PAX7: variants seen among roughly 807,000 people sequenced by gnomAD.
PAX7 encodes the protein paired box protein Pax-7.
In PAX7, 18 loss-of-function variants were observed where a neutral mutation model predicts 50.7. The ratio of observed to expected loss-of-function variants is 0.36; its 90% CI spans 0.25 to 0.53. The LOEUF is 0.53. PAX7 is among the 20% of genes least tolerant of loss of function. The pLI, the probability that PAX7 is intolerant of heterozygous loss-of-function variation, is 0.93. For synonymous variants in PAX7, 310 were observed against 290.4 expected, an observed-to-expected ratio of 1.07 and a Z score of -0.69; for missense variants, 644 against 702.9, an observed-to-expected ratio of 0.92 and a Z score of 0.95.
intron 4 of PAX7, among the ~76,000 whole-genome samples, chr1:18,641,070 C>G (rs926389123): frequency 2.6e-5 from 4 of 152,256 alleles, no homozygotes; most frequent in African/African-American, 9.6e-5. Context: ...CAAAGGCAAA[C>G]ACTGGCGCTC....
Position 18,634,329 on chromosome 1 carries a change from G to C in PAX7, c.112G>C (p.Val38Leu). The change falls in exon 2 of 9, where the codon GTC becomes CTC. Residue 38 changes from valine (V) to leucine (L), a missense_variant. Physicochemically the swap from Val to Leu is conservative, Grantham distance 32. Coordinates refer to ENST00000420770, the MANE Select transcript of PAX7 (RefSeq NM_001135254.2). The surrounding 1 kb of genome is among the most constrained non-coding windows in gnomAD (Gnocchi z 4.0). ...GTCCACCCCGCTTGGCCAAGGCCGG[G>C]TCAATCAGCTGGGAGGGGTCTTCAT... is the stretch of plus-strand genomic sequence containing the variant. ...EVSTPLGQGR[V>L]NQLGGVFING... The C allele has an allele frequency of 6.2e-7, 1 of 1,613,948 alleles. No homozygotes were observed. Among genetic ancestry groups the C allele is most frequent in the South Asian group, 1.1e-5 (1 of 91,036 alleles).
rs955499244 is a variant in PAX7, at chr1:18,748,735, C to A, written c.*3806C>A. 11 of 229,408 alleles carry A rather than the reference C, an allele frequency of 4.8e-5. No individual in the cohort carries two copies. The highest frequency in any genetic ancestry group is 4.0e-4 in the Admixed American group (7 of 17,590). 14.2% of individuals were successfully genotyped at this position (229,408 alleles called of 1,614,324 possible). On this transcript the variant is annotated 3_prime_UTR_variant, in exon 9 of 9. Coordinates refer to ENST00000420770, the MANE Select transcript of PAX7 (RefSeq NM_001135254.2). ...GGTGTGTGTTTAAATATAATCACAC[C>A]ATAATTTATTCAGCTATATGGAGTA...
At position 18,658,576 on chromosome 1, in the gene PAX7, C is replaced by G. The variant is rs536246290; in HGVS notation, c.586+22205C>G. ...GAATCATCTGGGATGCAACTCTAGG[C>G]CTGGCCCACTCTTGGGGGCTCACCC... On this transcript the variant is annotated intron_variant, in intron 4 of 8. Coordinates refer to ENST00000420770, the MANE Select transcript of PAX7 (RefSeq NM_001135254.2). 1.1e-3 allele frequency among the ~76,000 whole-genome samples: 172 copies of G among 152,334 alleles called. 1 individual carries two copies. Among genetic ancestry groups the G allele is most frequent in the Non-Finnish European group, 5.9e-5 (4 of 68,028 alleles).
At chr1:18,666,992 AG>A (rs1384360556) in intron 4 of PAX7, among the ~76,000 whole-genome samples, 2 of 152,138 alleles carry the variant, frequency 1.3e-5, no homozygotes, top group Admixed American at 6.5e-5. Context: ...GTCATTGAGA[AG>A]GGTCCCTGAG....
intron 4 of PAX7, among the ~76,000 whole-genome samples, chr1:18,659,959 C>G (rs957019653): frequency 6.6e-6 from 1 of 152,202 alleles, no homozygotes; most frequent in Non-Finnish European, 1.5e-5. Flanking sequence ...CCCAGCGGGC[C>G]ATGTGCTCGA....
At position 18,713,627 on chromosome 1, in the gene PAX7, T is replaced by C. The variant is rs949108844; in HGVS notation, c.1155+10331T>C. ...CTCTTATACTTTGGAGAGACAATAC[T>C]CCTCATCCCACCCCAGAGATAAATT... On this transcript the variant is annotated intron_variant, in intron 7 of 8. Coordinates refer to ENST00000420770, the MANE Select transcript of PAX7 (RefSeq NM_001135254.2). 6.6e-5 allele frequency among the ~76,000 whole-genome samples: 10 copies of C among 152,308 alleles called. No individual in the cohort carries two copies. In the Middle Eastern group the frequency reaches 0.01, roughly 155 times the overall value.
intron 4 of PAX7, among the ~76,000 whole-genome samples, chr1:18,642,350 A>C (rs2088269275): frequency 6.6e-6 from 1 of 152,166 alleles, no homozygotes; most frequent in Non-Finnish European, 1.5e-5. Flanking sequence ...GGAAGCTCAT[A>C]GTCTAAGACT....
intron 7 of PAX7, among the ~76,000 whole-genome samples, chr1:18,727,371 T>TACACATACAC (rs2089587609): frequency 7.5e-6 from 1 of 133,992 alleles, no homozygotes. Flanking sequence ...CTCTCTCTCA[T>TACACATACAC]ACACACACAC....
intron 5 of PAX7, among the ~76,000 whole-genome samples, chr1:18,694,474 A>AAGTAAATAAAT (rs2089124207): frequency 1.3e-5 from 1 of 75,166 alleles, no homozygotes; most frequent in African/African-American, 4.9e-5. Flanking sequence ...ATAAATAAAT[A>AAGTAAATAAAT]AATAAATAAA....
chr1:18,655,894 G>T (rs2088509662), intron 4 of PAX7, among the ~76,000 whole-genome samples: 1 of 151,720 alleles, frequency 6.6e-6, no homozygotes, highest in Non-Finnish European at 1.5e-5. Context: ...ACATTCGTTT[G>T]TTCATCTACT....
chr1:18,685,764 C>T (rs1041617056), intron 4 of PAX7, among the ~76,000 whole-genome samples: 2 of 152,220 alleles, frequency 1.3e-5, no homozygotes, highest in Non-Finnish European at 2.9e-5. Context: ...GCCTTGCTGG[C>T]GTGGCTGAGG....
At chr1:18,685,207 C>T (rs1305164368) in intron 4 of PAX7, among the ~76,000 whole-genome samples, 1 of 152,180 alleles carries the variant, frequency 6.6e-6, no homozygotes, top group Non-Finnish European at 1.5e-5. Context: ...ATGGGGATAA[C>T]ACTGCCTGCC....
intron 4 of PAX7, among the ~76,000 whole-genome samples, chr1:18,667,417 AGGAAG>A (rs1377525806): frequency 1.3e-4 from 20 of 150,618 alleles, no homozygotes; most frequent in African/African-American, 4.6e-4. Context: ...GAAGGAAGGA[AGGAAG>A]GAAGGAAGGA....
At position 18,735,890 on chromosome 1, in the gene PAX7, G is replaced by T. The variant is rs745837364; in HGVS notation, c.1402+12G>T. On this transcript the variant is annotated intron_variant, in intron 8 of 8. Coordinates refer to ENST00000420770, the MANE Select transcript of PAX7 (RefSeq NM_001135254.2). This position sits in a 1 kb window ranked among gnomAD's most constrained non-coding sequence, Gnocchi z 4.0. ...CCAGTACGGCCAGAGTGAGTGCCTG[G>T]TGCCCTGGGCGTCCCCCGTCCCCAT... 6 of 1,613,972 alleles carry T rather than the reference G, an allele frequency of 3.7e-6. No homozygotes were observed. In the African/African-American group the frequency reaches 8.0e-5, roughly 22 times the overall value.
intron 4 of PAX7, among the ~76,000 whole-genome samples, chr1:18,681,236 C>T (rs1277629369): frequency 2.7e-5 from 4 of 150,380 alleles, no homozygotes; most frequent in Non-Finnish European, 4.4e-5. Context: ...CCCCTGCCCC[C>T]AAGGTGCCCT....
chr1:18,682,493 G>A (rs2088914554), intron 4 of PAX7, among the ~76,000 whole-genome samples: 2 of 152,158 alleles, frequency 1.3e-5, no homozygotes, highest in Admixed American at 6.5e-5. Context: ...TGTTCTCCCT[G>A]GATCAATGCC....
At chr1:18,677,726 T>G (rs2088843527) in intron 4 of PAX7, among the ~76,000 whole-genome samples, 1 of 152,206 alleles carries the variant, frequency 6.6e-6, no homozygotes, top group East Asian at 1.9e-4. Flanking sequence ...TTGCTGTGTG[T>G]GTAATGATGA....
At chr1:18,672,259 C>T (rs1466065970) in intron 4 of PAX7, among the ~76,000 whole-genome samples, 2 of 152,190 alleles carry the variant, frequency 1.3e-5, no homozygotes, top group Non-Finnish European at 2.9e-5. Context: ...CTGAAACTAG[C>T]CACCAGGTCC....
intron 7 of PAX7, among the ~76,000 whole-genome samples, chr1:18,718,870 G>A (rs192831073): frequency 6.6e-6 from 1 of 152,150 alleles, no homozygotes; most frequent in East Asian, 1.9e-4. Flanking sequence ...TCAAACTCCT[G>A]ACCTCATGAT....
Sources: gnomAD v4.1 joint callset for allele counts (sites outside exome capture counted in the v4.1 genomes callset) on GRCh38, gnomAD v4.1.1 for gene constraint, Gnocchi (gnomAD v3.1) non-coding constraint, MANE v1.5 for transcripts, NCBI Gene and HGNC (gene_info 2026-07-23, HGNC 2026-07-21) for gene names.